Variants in MOB1B observed in about 807,000 individuals in gnomAD.
The protein encoded by MOB1B is MOB1 Mps One Binder homolog B.
Under a neutral mutation model 24.4 loss-of-function variants are expected in MOB1B, and 19 were observed. That is an observed-to-expected ratio of 0.78 (90% CI 0.54 to 1.14). The LOEUF (loss-of-function observed/expected upper bound fraction) is 1.14, where lower values mean the gene tolerates loss of function less well. MOB1B is among the 50% of genes most tolerant of loss of function. The probability of loss-of-function intolerance (pLI) is 0.00; values close to 1 mark genes in which losing one functional copy is unlikely to be tolerated. For synonymous variants in MOB1B, 76 were observed against 82.1 expected (o/e 0.93, Z 0.40); for missense variants, 243 against 259.6 (o/e 0.94, Z 0.44).
intron 3 of MOB1B, among the ~76,000 whole-genome samples, chr4:70,972,650 G>A (rs1383269885): frequency 6.6e-6 from 1 of 152,168 alleles, no homozygotes; most frequent in Non-Finnish European, 1.5e-5. Flanking sequence ...AGGCATCGCG[G>A]CAAAATAGAG....
chr4:70,935,920 C>T (rs1310596635), intron 1 of MOB1B, among the ~76,000 whole-genome samples: 6 of 139,810 alleles, frequency 4.3e-5, no homozygotes, highest in East Asian at 2.1e-4. Context: ...GGCGGGATCT[C>T]GGCTCACTGC....
chr4:70,941,660 T>G (rs1284918961), intron 1 of MOB1B, among the ~76,000 whole-genome samples: 2 of 152,162 alleles, frequency 1.3e-5, no homozygotes, highest in African/African-American at 2.4e-5. Flanking sequence ...CTTCCTTCTT[T>G]CCCTTACTCT....
chr4:70,967,563 C>G (rs1336287557), intron 2 of MOB1B, among the ~76,000 whole-genome samples: 1 of 152,034 alleles, frequency 6.6e-6, no homozygotes, highest in Non-Finnish European at 1.5e-5. Flanking sequence ...CTGAAAATCC[C>G]TTTTTGGAAA....
At chr4:70,914,770 C>G (rs1212982919) in intron 1 of MOB1B, among the ~76,000 whole-genome samples, 1 of 152,180 alleles carries the variant, frequency 6.6e-6, no homozygotes, top group Non-Finnish European at 1.5e-5. Flanking sequence ...TGTCCCTGTA[C>G]TACAGCTGTT....
chr4:70,942,516 A>G (rs572550589), intron 1 of MOB1B, among the ~76,000 whole-genome samples: 2 of 152,272 alleles, frequency 1.3e-5, no homozygotes, highest in African/African-American at 4.8e-5. Flanking sequence ...AAATTATTTT[A>G]TAAATATGAT....
Position 70,979,227 on chromosome 4 carries a change from T to C in MOB1B, c.509T>C (p.Val170Ala). The change falls in exon 5 of 6, where the codon GTG (valine) becomes GCG (alanine). Residue 170 changes from valine to alanine, a missense_variant. By Grantham distance (64) the Val-to-Ala change is moderately conservative. Transcript: ENST00000309395. ...ATTTATCATCAGCATTTTGACCCTG[T>C]GATCCAGCTTCAGGAGGAAGCACAT... ...AHIYHQHFDP[V>A]IQLQEEAHLN... is the part of the protein sequence containing the mutation. The C allele has an allele frequency of 2.5e-6, 4 of 1,613,962 alleles. No homozygotes were observed. Among genetic ancestry groups the C allele is most frequent in the Non-Finnish European group, 3.4e-6 (4 of 1,179,874 alleles).
intron 1 of MOB1B, among the ~76,000 whole-genome samples, chr4:70,929,785 A>C (rs2148878432): frequency 6.6e-6 from 1 of 152,018 alleles, no homozygotes; most frequent in East Asian, 1.9e-4. Context: ...AGCTGGGACT[A>C]CAGGCACCCG....
chr4:70,962,555 TAGA>T (rs1738346660), intron 2 of MOB1B, among the ~76,000 whole-genome samples: 1 of 151,652 alleles, frequency 6.6e-6, no homozygotes, highest in Non-Finnish European at 1.5e-5. Context: ...AATTGAATGA[TAGA>T]CCTAAAAATA....
intron 1 of MOB1B, among the ~76,000 whole-genome samples, chr4:70,911,676 G>A (rs752919308): frequency 3.3e-5 from 5 of 151,674 alleles, no homozygotes; most frequent in East Asian, 1.9e-4. Flanking sequence ...TTGTACTTTC[G>A]GAGTTTCTGA....
chr4:70,910,605 G>A (rs1052999263), intron 1 of MOB1B, among the ~76,000 whole-genome samples: 56 of 151,852 alleles, frequency 3.7e-4, no homozygotes, highest in African/African-American at 1.3e-3. Flanking sequence ...AGTAGAAGAC[G>A]AAATAGTAAC....
chr4:70,902,439 C>G lies in MOB1B; in HGVS notation c.-98C>G. On this transcript the variant is annotated 5_prime_UTR_variant, in exon 1 of 6. Coordinates refer to ENST00000309395, the MANE Select transcript of MOB1B (RefSeq NM_173468.4). The stretch of plus-strand genomic sequence containing the variant: ...GCTCTCGGCACCTCCTCCTCCGCCT[C>G]CCTGTCTCCTGTTCCATTCGCCTTT... 1 of 1,342,756 alleles carries G rather than the reference C, an allele frequency of 7.4e-7. No individual in the cohort carries two copies. Among genetic ancestry groups the G allele is most frequent in the Non-Finnish European group, 1.0e-6 (1 of 957,836 alleles). The allele number at this position is 1,342,756 out of a possible 1,614,324, so 83.2% of individuals were successfully genotyped here. A position where few individuals can be genotyped will look rare whatever the true frequency, so the allele number is the denominator to read the frequency against.
intron 1 of MOB1B, among the ~76,000 whole-genome samples, chr4:70,908,056 C>T (rs547258943): frequency 3.3e-5 from 5 of 149,280 alleles, no homozygotes; most frequent in South Asian, 2.1e-4. Context: ...GATGGAGTCT[C>T]GCTTTTTCGC....
chr4:70,918,391 G>GCACA (rs1736279241), intron 1 of MOB1B, among the ~76,000 whole-genome samples: 1 of 151,448 alleles, frequency 6.6e-6, no homozygotes, highest in Non-Finnish European at 1.5e-5. Flanking sequence ...TCTAACTGGT[G>GCACA]TGAGATGGTA....
intron 1 of MOB1B, among the ~76,000 whole-genome samples, chr4:70,906,102 G>T (rs1483559541): frequency 6.6e-6 from 1 of 152,026 alleles, no homozygotes. Context: ...CGGTCGCGGG[G>T]CATAATGGCT....
chr4:70,962,175 A>G (rs915631061), intron 2 of MOB1B, among the ~76,000 whole-genome samples: 3 of 152,176 alleles, frequency 2.0e-5, no homozygotes, highest in East Asian at 1.9e-4. Flanking sequence ...CCTGGGCAGC[A>G]TAGGGAGACC....
chr4:70,973,495 A>G (rs1479696745), intron 3 of MOB1B, among the ~76,000 whole-genome samples: 1 of 148,766 alleles, frequency 6.7e-6, no homozygotes, highest in East Asian at 1.9e-4. Context: ...AAAAAAAAAC[A>G]TAATGATGGC....
chr4:70,913,169 G>C (rs1227344559), intron 1 of MOB1B, among the ~76,000 whole-genome samples: 2 of 152,146 alleles, frequency 1.3e-5, no homozygotes, highest in African/African-American at 2.4e-5. Context: ...GGGTTTCTCT[G>C]ATGTTTCCTT....
Position 70,958,909 on chromosome 4 carries a change from A to G in MOB1B, c.50A>G (p.Lys17Arg), listed in dbSNP as rs750105577. The G allele has an allele frequency of 1.9e-6, 3 of 1,613,264 alleles. No homozygotes were observed. The highest frequency in any genetic ancestry group is 1.7e-5 in the Admixed American group (1 of 59,814). Reference protein sequence around the residue: ...SRSSKTFKPKKNIPEGSHQYE... With the variant: ...SRSSKTFKPKRNIPEGSHQYE... Reference sequence around the variant, plus strand: ...TCTTCTAAAACTTTTAAACCAAAGAAGAACATTCCAGAGGGTTCTCACCAG... The same window carrying G: ...TCTTCTAAAACTTTTAAACCAAAGAGGAACATTCCAGAGGGTTCTCACCAG... The change falls in exon 2 of 6, where the codon AAG (lysine) becomes AGG (arginine). Residue 17 changes from lysine (K) to arginine (R), a missense_variant. Transcript: ENST00000309395.
intron 1 of MOB1B, among the ~76,000 whole-genome samples, chr4:70,958,411 G>A (rs1738158372): frequency 6.6e-6 from 1 of 151,868 alleles, no homozygotes; most frequent in Admixed American, 6.6e-5. Flanking sequence ...TGGGTAATCC[G>A]CCTACCTCTG....
Sources: gnomAD v4.1 joint callset for allele counts (sites outside exome capture counted in the v4.1 genomes callset) on GRCh38, gnomAD v4.1.1 for gene constraint, MANE v1.5 for transcripts, NCBI Gene and HGNC (gene_info 2026-07-23, HGNC 2026-07-21) for gene names.